ABCC2: variants seen among roughly 807,000 people sequenced by gnomAD.
ABCC2 encodes the protein ATP binding cassette subfamily C member 2, also known as ATP-binding cassette sub-family C member 2.
A neutral mutation model predicts 173.4 loss-of-function variants in ABCC2; 157 were observed. The ratio of observed to expected loss-of-function variants is 0.91; its 90% CI spans 0.80 to 1.03. The LOEUF (loss-of-function observed/expected upper bound fraction) is 1.03, where lower values mean the gene tolerates loss of function less well. Among genes scored for constraint, ABCC2 ranks in the 50% least tolerant of loss-of-function variants. ABCC2 has a pLI of 0.00. For synonymous variants in ABCC2, 657 were observed against 693.5 expected, an observed-to-expected ratio of 0.95 and a Z score of 0.83; for missense variants, 1,822 against 1,852.3, an observed-to-expected ratio of 0.98 and a Z score of 0.30.
At chr10:99,849,056 C>T (rs2039055031) in intron 30 of ABCC2, among the ~76,000 whole-genome samples, 1 of 152,196 alleles carries the variant, frequency 6.6e-6, no homozygotes, top group Non-Finnish European at 1.5e-5. Flanking sequence ...GACACCCCAT[C>T]TCTACTAAAC....
rs10644836 is a variant in ABCC2, at chr10:99,806,077, C to CTCTCTCTGTGTGTGTGTGTGTGTG, written c.1530+631_1530+632insCTCTCTGTGTGTGTGTGTGTGTGT. Among the ~76,000 whole-genome samples, 457 of 148,134 alleles carry CTCTCTCTGTGTGTGTGTGTGTGTG rather than the reference C, an allele frequency of 3.1e-3. 3 individuals carry two copies. The Middle Eastern group carries it at 0.031, about 10-fold the overall frequency. On this transcript the variant is annotated intron_variant, in intron 11 of 31. Coordinates refer to ENST00000647814, the MANE Select transcript of ABCC2 (RefSeq NM_000392.5). ...TCTACTACAGTCTCTCTCTCTCTGT[C>CTCTCTCTGTGTGTGTGTGTGTGTG]TGTGTGTGTGTGTGTGTGTGTGTGT...
intron 16 of ABCC2, among the ~76,000 whole-genome samples, chr10:99,816,570 G>A (rs72838118): frequency 0.19 from 29,180 of 152,112 alleles, 2,904 homozygotes; most frequent in South Asian, 0.27. Flanking sequence ...GTGAGCCACC[G>A]CGCCCAGTTT....
In ABCC2 at chr10:99,836,196, C is replaced by G. The variant is rs746497342; in HGVS notation, c.3520C>G (p.Arg1174Gly). Residue 1174 changes from arginine to glycine, a missense_variant, in exon 25 of 32, where the codon CGT becomes GGT. Coordinates refer to ENST00000647814, the MANE Select transcript of ABCC2 (RefSeq NM_000392.5). ...GACCGTATCAGGTTTGCCAGTTATC[C>G]GTGCCTTTGAGCACCAGCAGCGATT... ...SETVSGLPVI[R>G]AFEHQQRFLK... The G allele has an allele frequency of 2.5e-5, 40 of 1,614,088 alleles. No individual in the cohort carries two copies. The highest frequency in any genetic ancestry group is 3.4e-5 in the Non-Finnish European group (40 of 1,180,050).
At chr10:99,806,077 C>CTGTGTGTGTGTG (rs10559742) in intron 11 of ABCC2, among the ~76,000 whole-genome samples, 12 of 148,044 alleles carry the variant, frequency 8.1e-5, no homozygotes, top group African/African-American at 1.5e-4. Flanking sequence ...CTCTCTCTGT[C>CTGTGTGTGTGTG]TGTGTGTGTG....
At position 99,843,911 on chromosome 10, in the gene ABCC2, A is replaced by T. The variant is rs755133170; in HGVS notation, c.3843+11A>T. On this transcript the variant is annotated intron_variant, in intron 27 of 31. Transcript: ENST00000647814. ...AAAGTGGAAAATGAGGTAAGGAGGAACTGGAAAAATCCAGGAACAAGGCAA... is the reference window on the plus strand; with the variant it reads ...AAAGTGGAAAATGAGGTAAGGAGGATCTGGAAAAATCCAGGAACAAGGCAA... 6.2e-7 allele frequency: 1 copy of T among 1,607,940 alleles called. No individual in the cohort carries two copies.
chr10:99,815,502 G>GATT (rs565754648), intron 16 of ABCC2, among the ~76,000 whole-genome samples: 143 of 150,978 alleles, frequency 9.5e-4, no homozygotes, highest in Middle Eastern at 3.4e-3. Flanking sequence ...GGCTAATTAT[G>GATT]CTTTTTTTTT....
At chr10:99,850,838 C>G in intron 31 of ABCC2, 42 bp downstream of exon 31, 3 of 1,607,424 alleles carry the variant, frequency 1.9e-6, no homozygotes, top group Non-Finnish European at 2.6e-6. Flanking sequence ...TGGCTTAACC[C>G]TTGCTCAACA....
intron 25 of ABCC2, among the ~76,000 whole-genome samples, chr10:99,841,300 T>A (rs892951415): frequency 6.6e-6 from 1 of 152,112 alleles, no homozygotes; most frequent in African/African-American, 2.4e-5. Context: ...TGCCTGTAAT[T>A]CCAGCACTTT....
chr10:99,830,947 A>G (rs2038728357), intron 21 of ABCC2, 96 bp downstream of exon 21: 3 of 1,355,896 alleles, frequency 2.2e-6, no homozygotes, highest in Non-Finnish European at 3.1e-6. Context: ...TACTTACAGG[A>G]GCAATATGTC....
Position 99,836,307 on chromosome 10 carries a change from G to C in ABCC2, c.3614+17G>C. On this transcript the variant is annotated intron_variant, in intron 25 of 31. Coordinates refer to ENST00000647814, the MANE Select transcript of ABCC2 (RefSeq NM_000392.5). ...CTCCAACAGGTGAGGCTTCCCCTGG[G>C]TATTTACCCATGTGTGTACTTTGGG... 1 of 1,613,440 alleles carries C rather than the reference G, an allele frequency of 6.2e-7. No homozygotes were observed. The highest frequency in any genetic ancestry group is 8.5e-7 in the Non-Finnish European group (1 of 1,179,346).
intron 19 of ABCC2, among the ~76,000 whole-genome samples, chr10:99,823,578 G>A (rs1270730646): frequency 3.4e-5 from 5 of 146,078 alleles, no homozygotes; most frequent in African/African-American, 5.2e-5. Context: ...TCTTTGAGCC[G>A]ATTGATGTGG....
chr10:99,810,177 A>G lies in ABCC2; in HGVS notation c.1859A>G (p.Asp620Gly), dbSNP rs563518350. 6.2e-7 allele frequency: 1 copy of G among 1,613,564 alleles called. No homozygotes were observed. The highest frequency in any genetic ancestry group is 1.1e-5 in the South Asian group (1 of 91,076). ...TERLEKYLGG[D>G]DLDTSAIRHD... ...CGGCTAGAGAAGTACTTGGGAGGGG[A>G]TGACTTGGACACATCTGCCATTCGA... Residue 620 changes from aspartate (D) to glycine (G), a missense_variant, in exon 14 of 32, where the codon GAT becomes GGT. Coordinates refer to ENST00000647814, the MANE Select transcript of ABCC2 (RefSeq NM_000392.5).
intron 20 of ABCC2, 25 bp downstream of exon 20, chr10:99,830,458 C>A (rs1381701492): frequency 1.2e-6 from 2 of 1,614,090 alleles, no homozygotes; most frequent in South Asian, 2.2e-5. Flanking sequence ...CAGCTGGCAG[C>A]CCTCGTCAGC....
chr10:99,800,815 G>C (rs1442033266), intron 9 of ABCC2, among the ~76,000 whole-genome samples: 2 of 152,206 alleles, frequency 1.3e-5, no homozygotes, highest in Non-Finnish European at 2.9e-5. Flanking sequence ...CTGGTGCTCA[G>C]GATCCACCTT....
chr10:99,843,943 C>A (rs771418282), intron 27 of ABCC2, 43 bp downstream of exon 27: 2 of 1,441,734 alleles, frequency 1.4e-6, no homozygotes, highest in Non-Finnish European at 9.8e-7. Context: ...GCAAAAACAA[C>A]ATGCAACTCC....
In ABCC2 at chr10:99,793,556, G is replaced by A. The variant is rs151304543; in HGVS notation, c.339G>A (p.Leu113=). ...NPSLYLGTWL[L]VLLIQYSRQW... ...TCATGTGAATTTCTCTCCAGCTCCT[G>A]GTTTTGCTGATCCAATACAGCAGAC... The change falls in exon 4 of 32, where the codon CTG becomes CTA. Residue 113 remains leucine, a synonymous_variant. Transcript: ENST00000647814. 5.5e-5 allele frequency: 89 copies of A among 1,614,056 alleles called. No individual in the cohort carries two copies. In the African/African-American group the frequency reaches 1.1e-3, roughly 20 times the overall value.
rs1423154075 is a variant in ABCC2 at position 99,817,456 on chromosome 10, G to C, written c.2243G>C (p.Gly748Ala). ...ALLPDLEMLP[G>A]GDLAEIGEKG... ...CTCCCAGACTTGGAAATGCTGCCTGGAGGAGATTTGGCTGAGATTGGAGAG... is the reference window on the plus strand; with the variant it reads ...CTCCCAGACTTGGAAATGCTGCCTGCAGGAGATTTGGCTGAGATTGGAGAG... Residue 748 changes from glycine to alanine, a missense_variant, in exon 17 of 32, where the codon GGA becomes GCA. Gly to Ala is a moderately conservative substitution (Grantham distance 60). Coordinates refer to ENST00000647814, the MANE Select transcript of ABCC2 (RefSeq NM_000392.5). 6 of 1,614,038 alleles carry C rather than the reference G, an allele frequency of 3.7e-6. No individual in the cohort carries two copies.
chr10:99,791,262 G>A (rs1221901648), intron 2 of ABCC2, among the ~76,000 whole-genome samples: 5 of 152,092 alleles, frequency 3.3e-5, no homozygotes, highest in African/African-American at 1.2e-4. Flanking sequence ...ACAAAAATTA[G>A]CCAGGTGTGG....
chr10:99,827,130 C>T (rs535086680), intron 19 of ABCC2, among the ~76,000 whole-genome samples: 2 of 139,126 alleles, frequency 1.4e-5, no homozygotes, highest in African/African-American at 5.3e-5. Context: ...TCCTGGATAT[C>T]CATACTGACT....
Sources: allele counts gnomAD v4.1 joint callset (sites outside exome capture counted in the v4.1 genomes callset), GRCh38; gene constraint gnomAD v4.1.1; transcripts MANE v1.5; gene names NCBI Gene and HGNC (gene_info 2026-07-23, HGNC 2026-07-21).